Variants in FAM81B observed in about 807,000 individuals in gnomAD.
FAM81B encodes the protein family with sequence similarity 81 member B, also known as protein FAM81B.
A neutral mutation model predicts 58.7 loss-of-function variants in FAM81B; 60 were observed. The ratio of observed to expected loss-of-function variants is 1.02; its 90% CI spans 0.83 to 1.27. The LOEUF (loss-of-function observed/expected upper bound fraction) is 1.27, where lower values mean the gene tolerates loss of function less well. Among genes scored for constraint, FAM81B ranks in the 50% most tolerant of loss-of-function variants. The pLI, the probability that FAM81B is intolerant of heterozygous loss-of-function variation, is 0.00. For synonymous variants in FAM81B, 189 were observed against 179.6 expected (o/e 1.05, Z -0.42); for missense variants, 491 against 522.0 (o/e 0.94, Z 0.58).
intron 7 of FAM81B, chr5:95,440,262 T>C (rs1400665025): frequency 2.6e-6 from 2 of 774,234 alleles, no homozygotes; most frequent in Non-Finnish European, 4.6e-6. Context: ...TGCTGAAAAA[T>C]ACAAGGACTT....
chr5:95,435,380 C>A (rs1745059034), intron 6 of FAM81B, among the ~76,000 whole-genome samples: 1 of 151,678 alleles, frequency 6.6e-6, no homozygotes, highest in African/African-American at 2.4e-5. Flanking sequence ...CTGTGCTTTT[C>A]CTGCTTTTTG....
At chr5:95,398,496 A>G (rs1310848896) in intron 3 of FAM81B, among the ~76,000 whole-genome samples, 1 of 152,208 alleles carries the variant, frequency 6.6e-6, no homozygotes, top group Non-Finnish European at 1.5e-5. Flanking sequence ...GGGTGACAAC[A>G]AATGGATTGA....
chr5:95,395,316 G>A (rs1315176765), intron 2 of FAM81B, among the ~76,000 whole-genome samples: 1 of 151,832 alleles, frequency 6.6e-6, no homozygotes, highest in South Asian at 2.1e-4. Flanking sequence ...GGTGGCGGGC[G>A]CCTGTCGTCC....
intron 4 of FAM81B, among the ~76,000 whole-genome samples, chr5:95,417,523 TTTC>T (rs1429716708): frequency 6.6e-6 from 1 of 152,178 alleles, no homozygotes; most frequent in Non-Finnish European, 1.5e-5. Flanking sequence ...GACAGCTTCA[TTTC>T]TTCTTCTAAT....
Position 95,448,264 on chromosome 5 carries a change from T to C in FAM81B, c.1030-5T>C. ...TGAAGTTTTATCCCATAATCTCTTTTACAGGAAAAGTCTGAAAATAAAATG... is the reference window on the plus strand; with the variant it reads ...TGAAGTTTTATCCCATAATCTCTTTCACAGGAAAAGTCTGAAAATAAAATG... On this transcript the variant is annotated splice_region_variant and splice_polypyrimidine_tract_variant and intron_variant, in intron 8 of 9. Transcript: ENST00000283357. 1.3e-6 allele frequency: 2 copies of C among 1,596,344 alleles called. No homozygotes were observed. The highest frequency in any genetic ancestry group is 2.2e-5 in the East Asian group (1 of 44,646).
At chr5:95,421,400 A>G (rs191200975) in intron 5 of FAM81B, among the ~76,000 whole-genome samples, 4 of 152,352 alleles carry the variant, frequency 2.6e-5, no homozygotes, top group Admixed American at 2.0e-4. Context: ...GAAGAATAAT[A>G]TGTGCAAAAG....
At chr5:95,406,076 G>C (rs1212898319) in intron 3 of FAM81B, 1 of 154,262 alleles carries the variant, frequency 6.5e-6, no homozygotes, top group African/African-American at 2.4e-5. Context: ...TAGAGAAGAA[G>C]AGCAGACTTA....
Position 95,413,988 on chromosome 5 carries a change from G to T in FAM81B, c.335G>T (p.Gly112Val), listed in dbSNP as rs1762469294. Reference protein sequence around the residue: ...FLPIIPNTQRGQLEDRLNNQA... With the variant: ...FLPIIPNTQRVQLEDRLNNQA... ...CCCATCATTCCAAACACCCAGAGAG[G>T]TCAGCTAGAAGACAGACTGAACAAC... The change falls in exon 4 of 10, where the codon GGT becomes GTT. Residue 112 changes from glycine (G) to valine (V), a missense_variant. By Grantham distance (109) the Gly-to-Val change is moderately radical. Coordinates refer to ENST00000283357, the MANE Select transcript of FAM81B (RefSeq NM_152548.3). The T allele has an allele frequency of 6.2e-7, 1 of 1,614,024 alleles. No individual in the cohort carries two copies. The highest frequency in any genetic ancestry group is 1.3e-5 in the African/African-American group (1 of 75,014).
chr5:95,449,997 T>A, intron 9 of FAM81B, 152 bp from the exon 10 acceptor site: 1 of 759,286 alleles, frequency 1.3e-6, no homozygotes, highest in South Asian at 2.4e-5. Flanking sequence ...ACAAGAAATA[T>A]ATTATGTACA....
chr5:95,404,123 G>C (rs938885661), intron 3 of FAM81B, among the ~76,000 whole-genome samples: 9 of 152,112 alleles, frequency 5.9e-5, no homozygotes, highest in Admixed American at 2.0e-4. Flanking sequence ...ATTGTCTAGA[G>C]GCCACAAAGC....
intron 1 of FAM81B, 112 bp downstream of exon 1, chr5:95,391,625 T>C: frequency 8.0e-7 from 1 of 1,249,914 alleles, no homozygotes; most frequent in Non-Finnish European, 1.1e-6. Flanking sequence ...CTCAGAAGGC[T>C]TGGGCACAAC....
chr5:95,413,638 A>G (rs907040847), intron 3 of FAM81B, among the ~76,000 whole-genome samples: 3 of 152,182 alleles, frequency 2.0e-5, no homozygotes, highest in Admixed American at 1.3e-4. Flanking sequence ...AATTTTTTCT[A>G]CGTTAAAGTA....
intron 4 of FAM81B, among the ~76,000 whole-genome samples, chr5:95,419,221 A>C (rs1162994333): frequency 6.6e-6 from 1 of 152,186 alleles, no homozygotes; most frequent in Admixed American, 6.5e-5. Context: ...ATCCCAGTTA[A>C]AAAATGAGCA....
chr5:95,446,248 G>A lies in FAM81B; in HGVS notation c.894-314G>A, dbSNP rs556849034. Among the ~76,000 whole-genome samples, 5 of 152,318 alleles carry A rather than the reference G, an allele frequency of 3.3e-5. No homozygotes were observed. In the South Asian group the frequency reaches 8.3e-4, roughly 25 times the overall value. The stretch of plus-strand genomic sequence containing the variant: ...ACACAACCAGTGAGCCCCAGGCCAT[G>A]AGAGGAATTCTGCATGGATAACACT... On this transcript the variant is annotated intron_variant, in intron 7 of 9. Coordinates refer to ENST00000283357, the MANE Select transcript of FAM81B (RefSeq NM_152548.3).
intron 4 of FAM81B, 75 bp from the exon 5 acceptor site, chr5:95,420,209 T>C: frequency 6.3e-7 from 1 of 1,582,074 alleles, no homozygotes; most frequent in Non-Finnish European, 8.6e-7. Flanking sequence ...TTCATTTAGG[T>C]AACCCCTGCT....
chr5:95,426,844 C>T (rs756204062), intron 5 of FAM81B, among the ~76,000 whole-genome samples: 17 of 152,114 alleles, frequency 1.1e-4, no homozygotes, highest in Non-Finnish European at 2.2e-4. Flanking sequence ...GTCAGGAGCT[C>T]GAGACCATCC....
At chr5:95,438,833 C>T (rs1311039237) in intron 7 of FAM81B, among the ~76,000 whole-genome samples, 1 of 149,498 alleles carries the variant, frequency 6.7e-6, no homozygotes, top group Non-Finnish European at 1.5e-5. Flanking sequence ...GTCATCATCT[C>T]AGCCTTCTGT....
At chr5:95,425,348 C>T (rs1762796572) in intron 5 of FAM81B, among the ~76,000 whole-genome samples, 1 of 152,054 alleles carries the variant, frequency 6.6e-6, no homozygotes, top group Admixed American at 6.6e-5. Flanking sequence ...AACGAGCATC[C>T]AGGTAGACAA....
intron 5 of FAM81B, among the ~76,000 whole-genome samples, chr5:95,422,881 T>A (rs6894523): frequency 0.21 from 31,385 of 152,148 alleles, 3,379 homozygotes; most frequent in African/African-American, 0.26. Flanking sequence ...TTTGCTTACC[T>A]TCCCCTTCAA....
Sources: allele counts gnomAD v4.1 joint callset (sites outside exome capture counted in the v4.1 genomes callset), GRCh38; gene constraint gnomAD v4.1.1; transcripts MANE v1.5; gene names NCBI Gene and HGNC (gene_info 2026-07-23, HGNC 2026-07-21).